SMAP1: variants seen among roughly 807,000 people sequenced by gnomAD.
The protein encoded by SMAP1 is stromal membrane-associated protein 1.
Under a neutral mutation model 58.5 loss-of-function variants are expected in SMAP1, and 24 were observed. The ratio of observed to expected loss-of-function variants is 0.41; its 90% CI spans 0.30 to 0.58. The LOEUF is 0.58. Among genes scored for constraint, SMAP1 ranks in the 20% least tolerant of loss-of-function variants. The pLI, the probability that SMAP1 is intolerant of heterozygous loss-of-function variation, is 0.29. For missense variants in SMAP1, 563 were observed against 566.3 expected, an observed-to-expected ratio of 0.99 and a Z score of 0.06; for synonymous variants, 216 against 196.6, an observed-to-expected ratio of 1.10 and a Z score of -0.82.
chr6:70,788,247 C>T (rs1276536059), intron 4 of SMAP1, among the ~76,000 whole-genome samples: 2 of 134,944 alleles, frequency 1.5e-5, no homozygotes, highest in African/African-American at 5.7e-5. Flanking sequence ...GGGAATTGAA[C>T]GATGAGAACA....
intron 3 of SMAP1, among the ~76,000 whole-genome samples, chr6:70,762,941 T>C (rs1193300741): frequency 6.6e-6 from 1 of 151,916 alleles, no homozygotes; most frequent in East Asian, 1.9e-4. Flanking sequence ...CACAGCAACA[T>C]ACAGATAATA....
chr6:70,847,201 G>A (rs1771025985), intron 7 of SMAP1, among the ~76,000 whole-genome samples: 1 of 152,102 alleles, frequency 6.6e-6, no homozygotes, highest in African/African-American at 2.4e-5. Context: ...CCAAATTGAG[G>A]ATTTTTAGGT....
intron 2 of SMAP1, among the ~76,000 whole-genome samples, chr6:70,754,425 A>G (rs1766402744): frequency 6.6e-6 from 1 of 152,062 alleles, no homozygotes; most frequent in Non-Finnish European, 1.5e-5. Flanking sequence ...ATTAGGCACA[A>G]TTTATTAGGG....
Position 70,732,498 on chromosome 6 carries a change from C to T in SMAP1, c.239C>T (p.Ala80Val). ...VKSVNLDQWT[A>V]EQIQCMQDMG... Reference sequence around the variant, plus strand: ...TCAGTCAACCTAGACCAATGGACAGCAGAACAGATACAGGTAAACATGACG... The same window carrying T: ...TCAGTCAACCTAGACCAATGGACAGTAGAACAGATACAGGTAAACATGACG... Residue 80 changes from alanine (A) to valine (V), a missense_variant, in exon 2 of 11, where the codon GCA becomes GTA. Ala to Val is a moderately conservative substitution (Grantham distance 64). Around this residue, in one of 3 missense-constraint regions of SMAP1, gnomAD observed 494 missense variants for 473.8 expected, o/e 1.04. Transcript: ENST00000370455. 6.3e-7 allele frequency: 1 copy of T among 1,584,584 alleles called. No individual in the cohort carries two copies. Among genetic ancestry groups the T allele is most frequent in the East Asian group, 2.3e-5 (1 of 44,118 alleles).
At chr6:70,761,114 G>A (rs1456037181) in intron 3 of SMAP1, among the ~76,000 whole-genome samples, 1 of 151,802 alleles carries the variant, frequency 6.6e-6, no homozygotes, top group African/African-American at 2.4e-5. Context: ...TAATTTAGTT[G>A]TCTTTCAAAT....
intron 3 of SMAP1, among the ~76,000 whole-genome samples, chr6:70,759,508 C>G (rs1299211212): frequency 6.6e-6 from 1 of 152,046 alleles, no homozygotes; most frequent in Non-Finnish European, 1.5e-5. Flanking sequence ...ATTTATTACA[C>G]TGATTCCATA....
rs1401529280 is a variant in SMAP1, at chr6:70,757,211, G to T, written c.338+2146G>T. On this transcript the variant is annotated intron_variant, in intron 3 of 10. Coordinates refer to ENST00000370455, the MANE Select transcript of SMAP1 (RefSeq NM_001044305.3). Reference sequence around the variant, plus strand: ...ACAGAACAGAGCCCTCAGAAATAACGCCGCATATCTACAACTATCTGATCT... The same window carrying T: ...ACAGAACAGAGCCCTCAGAAATAACTCCGCATATCTACAACTATCTGATCT... 9.4e-5 allele frequency among the ~76,000 whole-genome samples: 14 copies of T among 149,008 alleles called. No homozygotes were observed. In the East Asian group the frequency reaches 2.6e-3, roughly 27 times the overall value.
intron 1 of SMAP1, among the ~76,000 whole-genome samples, chr6:70,695,751 G>T (rs911788148): frequency 1.3e-5 from 2 of 151,982 alleles, no homozygotes; most frequent in African/African-American, 2.4e-5. Context: ...TCTTTGATGT[G>T]TCTGTCTGGT....
chr6:70,757,064 A>G (rs1187699270), intron 3 of SMAP1, among the ~76,000 whole-genome samples: 1 of 152,256 alleles, frequency 6.6e-6, no homozygotes, highest in East Asian at 1.9e-4. Flanking sequence ...TTGCCAAGGC[A>G]ATCCTAAGCC....
intron 3 of SMAP1, among the ~76,000 whole-genome samples, chr6:70,758,912 C>T (rs1766631798): frequency 6.6e-6 from 1 of 152,078 alleles, no homozygotes; most frequent in African/African-American, 2.4e-5. Context: ...GCCATGCTTT[C>T]TTACTTTGGG....
At chr6:70,843,209 C>A (rs537511297) in intron 7 of SMAP1, among the ~76,000 whole-genome samples, 1 of 148,032 alleles carries the variant, frequency 6.8e-6, no homozygotes, top group African/African-American at 2.5e-5. Flanking sequence ...AATAAGCTAA[C>A]AAAAATTAAT....
chr6:70,745,551 G>A (rs1199970477), intron 2 of SMAP1, among the ~76,000 whole-genome samples: 1 of 152,192 alleles, frequency 6.6e-6, no homozygotes, highest in Non-Finnish European at 1.5e-5. Flanking sequence ...TTTGGTACCA[G>A]TACCATGCTG....
chr6:70,713,935 T>C (rs1768160684), intron 1 of SMAP1, among the ~76,000 whole-genome samples: 1 of 152,212 alleles, frequency 6.6e-6, no homozygotes, highest in African/African-American at 2.4e-5. Context: ...GTTGGGTGTG[T>C]ATTTGTTTAC....
At chr6:70,858,267 A>T in intron 10 of SMAP1, 38 bp downstream of exon 10, 2 of 1,370,154 alleles carry the variant, frequency 1.5e-6, no homozygotes, top group Non-Finnish European at 2.0e-6. Context: ...CCCAAATCAA[A>T]CCAGATTTAT....
In SMAP1 at chr6:70,860,306, A is replaced by G; in HGVS notation, c.1376A>G (p.Gln459Arg). Residue 459 changes from glutamine (Q) to arginine (R), a missense_variant, in exon 11 of 11, where the codon CAG (glutamine) becomes CGG (arginine). Gln to Arg is a conservative substitution (Grantham distance 43). This residue lies in a region of SMAP1 where 494 missense variants were observed against 473.8 expected (regional missense o/e 1.04). Transcript: ENST00000370455. ...GGATGGTCTGGAAGCTCATCAGGTC[A>G]GACTCTCAGCACACAACTGTGGAAA... ...TAGWSGSSSG[Q>R]TLSTQLWK 1 of 1,613,330 alleles carries G rather than the reference A, an allele frequency of 6.2e-7. No individual in the cohort carries two copies. The highest frequency in any genetic ancestry group is 8.5e-7 in the Non-Finnish European group (1 of 1,179,738).
intron 2 of SMAP1, among the ~76,000 whole-genome samples, chr6:70,748,124 G>C (rs930922574): frequency 1.3e-5 from 2 of 152,102 alleles, no homozygotes; most frequent in African/African-American, 4.8e-5. Context: ...GTCCTGAAAG[G>C]CTTGCTCCTA....
Position 70,860,340 on chromosome 6 carries a change from G to T in SMAP1, c.*6G>T, listed in dbSNP as rs1231251066. 1 of 1,603,258 alleles carries T rather than the reference G, an allele frequency of 6.2e-7. No individual in the cohort carries two copies. Among genetic ancestry groups the T allele is most frequent in the Non-Finnish European group, 8.5e-7 (1 of 1,175,948 alleles). On this transcript the variant is annotated 3_prime_UTR_variant, in exon 11 of 11. Coordinates refer to ENST00000370455, the MANE Select transcript of SMAP1 (RefSeq NM_001044305.3). ...GCACACAACTGTGGAAATGAAAACT[G>T]CAATACAAGTTTCATCCAGAACTAC...
At chr6:70,787,953 T>C (rs1224210233) in intron 4 of SMAP1, among the ~76,000 whole-genome samples, 34 of 152,116 alleles carry the variant, frequency 2.2e-4, no homozygotes, top group Non-Finnish European at 8.8e-5. Context: ...TTACTGGGTA[T>C]ATACCCAAAG....
chr6:70,835,306 T>C (rs182353547), intron 6 of SMAP1, among the ~76,000 whole-genome samples: 21 of 149,316 alleles, frequency 1.4e-4, no homozygotes, highest in African/African-American at 5.2e-4. Context: ...GGCTAATTGG[T>C]TAAACAATAA....
Sources: gnomAD v4.1 joint callset for allele counts (sites outside exome capture counted in the v4.1 genomes callset) on GRCh38, gnomAD v4.1.1 for gene constraint, gnomAD v4.1.1 regional missense constraint, MANE v1.5 for transcripts, NCBI Gene and HGNC (gene_info 2026-07-23, HGNC 2026-07-21) for gene names.